The following WDPCP variants were observed in gnomAD, a reference collection of about 807,000 sequenced individuals.
WDPCP encodes the protein WD repeat-containing and planar cell polarity effector protein fritz homolog.
In WDPCP, 71 loss-of-function variants were observed where a neutral mutation model predicts 93.1. That is an observed-to-expected ratio of 0.76 (90% confidence interval 0.63 to 0.93). The LOEUF (loss-of-function observed/expected upper bound fraction) is 0.93, where lower values mean the gene tolerates loss of function less well. Among genes scored for constraint, WDPCP ranks in the 40% least tolerant of loss-of-function variants. The pLI is 0.00. For synonymous variants in WDPCP, 315 were observed against 315.0 expected, an observed-to-expected ratio of 1.00 and a Z score of 0.00; for missense variants, 844 against 887.4, an observed-to-expected ratio of 0.95 and a Z score of 0.62.
intron 14 of WDPCP, among the ~76,000 whole-genome samples, chr2:63,240,227 G>A (rs992162925): frequency 6.6e-6 from 1 of 152,058 alleles, no homozygotes; most frequent in Non-Finnish European, 1.5e-5. Context: ...TGCCCAGGCT[G>A]GAGTGCAGTG....
At chr2:63,821,486 T>G (rs1389269418) in intron 1 of WDPCP, among the ~76,000 whole-genome samples, 1 of 152,160 alleles carries the variant, frequency 6.6e-6, no homozygotes, top group Non-Finnish European at 1.5e-5. Context: ...TGAGACCAGA[T>G]AGTGAAAGGT....
chr2:63,124,497 A>T lies in WDPCP; in HGVS notation c.2191-2441T>A, dbSNP rs1223201124. Among the ~76,000 whole-genome samples, 3 of 152,160 alleles carry T rather than the reference A, an allele frequency of 2.0e-5. No individual in the cohort carries two copies. The East Asian group carries it at 5.8e-4, about 29-fold the overall frequency. ...GTGATATCAGGTCACTTTCCTTTAA[A>T]TGTACACAGACTTTTGTAAGTAAAT... On this transcript the variant is annotated intron_variant, in intron 17 of 17. Coordinates refer to ENST00000272321, the MANE Select transcript of WDPCP (RefSeq NM_015910.7).
chr2:63,482,450 G>A (rs141080388), intron 6 of WDPCP, among the ~76,000 whole-genome samples: 1 of 152,066 alleles, frequency 6.6e-6, no homozygotes, highest in East Asian at 1.9e-4. Context: ...CCCTTGGGGA[G>A]CCTGTTGAGG....
intron 9 of WDPCP, 59 bp downstream of exon 9, chr2:63,433,686 T>C: frequency 7.1e-7 from 1 of 1,403,388 alleles, no homozygotes; most frequent in Non-Finnish European, 9.7e-7. Context: ...GAATAGAAAA[T>C]CTAATAATTC....
At position 63,653,348 on chromosome 2, in the gene WDPCP, C is replaced by T. The variant is rs141643398; in HGVS notation, n.309-2510G>A. Among the ~76,000 whole-genome samples, 27 of 152,254 alleles carry T rather than the reference C, an allele frequency of 1.8e-4. No homozygotes were observed. The East Asian group carries it at 5.2e-3, about 29-fold the overall frequency. ...CACAGGATTGGGACTGAATCAGGTT[C>T]CCACCAACTAGAGTGAAGAGACTTT... On this transcript the variant is annotated intron_variant and non_coding_transcript_variant, in intron 2 of 4. Transcript: ENST00000467687.
intron 2 of WDPCP, among the ~76,000 whole-genome samples, chr2:63,756,618 A>G (rs1203938617): frequency 6.6e-6 from 1 of 152,182 alleles, no homozygotes; most frequent in East Asian, 1.9e-4. Context: ...ATATCATTTA[A>G]TATATGGGCA....
intron 13 of WDPCP, among the ~76,000 whole-genome samples, chr2:63,274,974 C>T (rs1202897192): frequency 6.6e-6 from 1 of 151,978 alleles, no homozygotes; most frequent in African/African-American, 2.4e-5. Flanking sequence ...ATACCAAAAC[C>T]AGACAAGGAT....
chr2:63,262,355 A>T (rs1392032073), intron 13 of WDPCP, among the ~76,000 whole-genome samples: 1 of 152,164 alleles, frequency 6.6e-6, no homozygotes, highest in African/African-American at 2.4e-5. Context: ...AAGACAATAC[A>T]TTTATGAAGA....
chr2:63,365,457 T>C (rs1222289546), intron 12 of WDPCP, among the ~76,000 whole-genome samples: 1 of 152,148 alleles, frequency 6.6e-6, no homozygotes, highest in Non-Finnish European at 1.5e-5. Flanking sequence ...AGGTGTTCTT[T>C]CCATGACAAA....
intron 1 of WDPCP, among the ~76,000 whole-genome samples, chr2:63,534,564 A>G (rs1407676940): frequency 6.6e-6 from 1 of 152,212 alleles, no homozygotes; most frequent in Non-Finnish European, 1.5e-5. Flanking sequence ...GCATATACAA[A>G]TCAATAAACA....
intron 13 of WDPCP, among the ~76,000 whole-genome samples, chr2:63,262,382 A>C (rs993244): frequency 0.65 from 98,786 of 151,946 alleles, 34,632 homozygotes; most frequent in African/African-American, 0.89. Flanking sequence ...TTCTGACCCA[A>C]TATATTCTGT....
At chr2:63,709,057 CAAAAAAA>C (rs953764802) in intron 2 of WDPCP, among the ~76,000 whole-genome samples, 10 of 12,098 alleles carry the variant, frequency 8.3e-4, no homozygotes, top group South Asian at 2.4e-3. Context: ...CCTGTCTCTA[CAAAAAAA>C]AAAAAAAAAA....
rs532814909 is a variant in WDPCP, at chr2:63,271,048, G to A, written c.1813-11639C>T. On this transcript the variant is annotated intron_variant, in intron 13 of 17. Coordinates refer to ENST00000272321, the MANE Select transcript of WDPCP (RefSeq NM_015910.7). ...CAGAGGGCTGTAGCATTGAGGCACC[G>A]GCTAGACTCAGGTATGCCCAGGTTT... Among the ~76,000 whole-genome samples, 7 of 152,302 alleles carry A rather than the reference G, an allele frequency of 4.6e-5. No homozygotes were observed. The East Asian group carries it at 5.8e-4, about 13-fold the overall frequency.
chr2:63,585,396 C>G (rs994166093), intron 1 of WDPCP, among the ~76,000 whole-genome samples: 2 of 151,958 alleles, frequency 1.3e-5, no homozygotes, highest in African/African-American at 4.8e-5. Flanking sequence ...GGGTAAAAAG[C>G]CAAAGTTTTT....
chr2:63,240,045 G>C (rs1679742592), intron 14 of WDPCP, among the ~76,000 whole-genome samples: 1 of 152,026 alleles, frequency 6.6e-6, no homozygotes, highest in East Asian at 1.9e-4. Flanking sequence ...TTTACTGCTG[G>C]AAAAGACAGA....
rs573668115 is a variant in WDPCP at position 63,302,942 on chromosome 2, A to G, written c.1812+10306T>C. On this transcript the variant is annotated intron_variant, in intron 13 of 17. Coordinates refer to ENST00000272321, the MANE Select transcript of WDPCP (RefSeq NM_015910.7). ...TTGTTTTAGTCTCTGCCATTTTACA[A>G]TGGTGACTATCTTCTTGTGCTAAGT... Among the ~76,000 whole-genome samples, 35 of 152,340 alleles carry G rather than the reference A, an allele frequency of 2.3e-4. No homozygotes were observed. The East Asian group carries it at 6.6e-3, about 29-fold the overall frequency.
intron 17 of WDPCP, among the ~76,000 whole-genome samples, chr2:63,122,802 C>T (rs1426515972): frequency 6.6e-6 from 1 of 152,004 alleles, no homozygotes; most frequent in Non-Finnish European, 1.5e-5. Flanking sequence ...AGCACTTACA[C>T]TATCATGTCA....
intron 2 of WDPCP, among the ~76,000 whole-genome samples, chr2:63,652,625 GT>G (rs1481645814): frequency 1.3e-5 from 2 of 152,182 alleles, no homozygotes; most frequent in African/African-American, 4.8e-5. Context: ...CTTCTAAAAT[GT>G]TTTAGGCTTT....
chr2:63,833,739 AATAAT>A, the WDPCP span, among the ~76,000 whole-genome samples: 1 of 152,232 alleles, frequency 6.6e-6, no homozygotes, highest in Admixed American at 6.5e-5. Context: ...TCATTTAAAA[AATAAT>A]ATAAGAAGAG....
Sources: allele counts gnomAD v4.1 joint callset (sites outside exome capture counted in the v4.1 genomes callset), GRCh38; gene constraint gnomAD v4.1.1; transcripts MANE v1.5; gene names NCBI Gene and HGNC (gene_info 2026-07-23, HGNC 2026-07-21).